Variants in SORCS1 observed in about 807,000 individuals in gnomAD.
The protein encoded by SORCS1 is VPS10 domain-containing receptor SorCS1.
Under a neutral mutation model 146.1 loss-of-function variants are expected in SORCS1, and 60 were observed. The ratio of observed to expected loss-of-function variants is 0.41; its 90% CI spans 0.33 to 0.51. SORCS1 has a LOEUF of 0.51. SORCS1 is among the 20% of genes least tolerant of loss of function. SORCS1 has a pLI of 0.21. For synonymous variants in SORCS1, 637 were observed against 584.0 expected (o/e 1.09, Z -1.31); for missense variants, 1,352 against 1,487.6 (o/e 0.91, Z 1.50).
At position 106,960,623 on chromosome 10, in the gene SORCS1, G is replaced by C. The variant is rs766633614; in HGVS notation, c.559-4043C>G. Among the ~76,000 whole-genome samples, 6 of 151,998 alleles carry C rather than the reference G, an allele frequency of 3.9e-5. No individual in the cohort carries two copies. The highest frequency in any genetic ancestry group is 7.2e-5 in the African/African-American group (3 of 41,390). On this transcript the variant is annotated intron_variant, in intron 1 of 25. Transcript: ENST00000263054. The surrounding 1 kb of genome is among the most constrained non-coding windows in gnomAD (Gnocchi z 4.4). ...TCACCATGTTGAGGAGAATGGTCTC[G>C]ATCTCTTGACCTCGTGATCCACCTG... is the stretch of plus-strand genomic sequence containing the variant.
Position 106,688,845 on chromosome 10 carries a change from C to T in SORCS1, c.1414-507G>A, listed in dbSNP as rs535100176. Among the ~76,000 whole-genome samples the T allele has an allele frequency of 3.2e-4, 49 of 152,262 alleles. No individual in the cohort carries two copies. In the South Asian group the frequency reaches 9.5e-3, roughly 30 times the overall value. On this transcript the variant is annotated intron_variant, in intron 9 of 25. Coordinates refer to ENST00000263054, the MANE Select transcript of SORCS1 (RefSeq NM_052918.5). ...CTGCCCAAGGGCACACAGTAAGTAT[C>T]AGACTCAGGATTATTAACCCACAAC...
chr10:106,700,792 G>C (rs1220640618), intron 8 of SORCS1, among the ~76,000 whole-genome samples: 1 of 152,078 alleles, frequency 6.6e-6, no homozygotes, highest in Non-Finnish European at 1.5e-5. Context: ...ATATCCAAAG[G>C]GCTTTATATT....
chr10:107,170,311 C>T, the SORCS1 span, among the ~76,000 whole-genome samples: 3 of 152,140 alleles, frequency 2.0e-5, no homozygotes, highest in South Asian at 6.2e-4. Flanking sequence ...AAAATAAACT[C>T]AGTTTATTTT....
intron 17 of SORCS1, among the ~76,000 whole-genome samples, chr10:106,655,275 T>C (rs1031875010): frequency 6.6e-6 from 1 of 152,144 alleles, no homozygotes; most frequent in Admixed American, 6.6e-5. Flanking sequence ...CACTGGTGTA[T>C]GATAGCATCC....
At chr10:106,963,010 T>C (rs555022912) in intron 1 of SORCS1, among the ~76,000 whole-genome samples, 8 of 151,404 alleles carry the variant, frequency 5.3e-5, no homozygotes, top group African/African-American at 9.7e-5. Context: ...AAAGCAAATA[T>C]GGGGGAAGAG....
chr10:106,647,177 A>T (rs1849513310), intron 18 of SORCS1, among the ~76,000 whole-genome samples: 1 of 151,576 alleles, frequency 6.6e-6, no homozygotes, highest in African/African-American at 2.4e-5. Flanking sequence ...TTTTATTCAG[A>T]TTGCTTTTAA....
intron 1 of SORCS1, among the ~76,000 whole-genome samples, chr10:107,089,406 A>G (rs1272859753): frequency 1.3e-5 from 2 of 152,228 alleles, no homozygotes; most frequent in Middle Eastern, 3.2e-3. Context: ...TCTGACCTTC[A>G]GAAAAGACTA....
At chr10:106,947,133 A>G (rs534364545) in intron 2 of SORCS1, among the ~76,000 whole-genome samples, 28 of 152,350 alleles carry the variant, frequency 1.8e-4, no homozygotes, top group Admixed American at 5.2e-4. Context: ...ATACTGATTT[A>G]AAAGTTACGT....
intron 4 of SORCS1, among the ~76,000 whole-genome samples, chr10:106,771,174 G>A (rs1252992316): frequency 6.6e-6 from 1 of 151,960 alleles, no homozygotes. Context: ...CCCCGGCATA[G>A]ACAGCAAAGC....
intron 1 of SORCS1, among the ~76,000 whole-genome samples, chr10:107,074,077 T>C (rs553171572): frequency 3.3e-5 from 5 of 152,318 alleles, no homozygotes; most frequent in African/African-American, 1.2e-4. Flanking sequence ...TACATTGAGG[T>C]TCATTCTCGG....
intron 5 of SORCS1, among the ~76,000 whole-genome samples, chr10:106,761,171 A>G (rs532641012): frequency 2.3e-4 from 35 of 152,166 alleles, no homozygotes; most frequent in African/African-American, 8.2e-4. Flanking sequence ...TGAGAGGAAG[A>G]TCTACTTTTA....
At chr10:106,948,912 G>A (rs950907508) in intron 2 of SORCS1, among the ~76,000 whole-genome samples, 6 of 151,950 alleles carry the variant, frequency 3.9e-5, no homozygotes, top group African/African-American at 1.5e-4. Context: ...AGTAAGCTGA[G>A]ATCACGCCAC....
chr10:106,708,649 G>A (rs554913009), intron 7 of SORCS1, among the ~76,000 whole-genome samples: 1 of 152,232 alleles, frequency 6.6e-6, no homozygotes, highest in Non-Finnish European at 1.5e-5. Flanking sequence ...TGAAAAACCT[G>A]GCTGAATACA....
At chr10:107,080,256 GTCT>G (rs999327252) in intron 1 of SORCS1, among the ~76,000 whole-genome samples, 1 of 152,138 alleles carries the variant, frequency 6.6e-6, no homozygotes, top group African/African-American at 2.4e-5. Context: ...GCAGTGTGTA[GTCT>G]TCTCACTGCC....
chr10:107,104,778 C>T (rs370936015), intron 1 of SORCS1, among the ~76,000 whole-genome samples: 3 of 152,182 alleles, frequency 2.0e-5, no homozygotes, highest in Admixed American at 6.5e-5. Context: ...TAGATCCACA[C>T]GTACTGCTTA....
intron 9 of SORCS1, among the ~76,000 whole-genome samples, chr10:106,695,892 C>CCA (rs1215755455): frequency 2.6e-5 from 4 of 152,000 alleles, no homozygotes; most frequent in Non-Finnish European, 5.9e-5. Flanking sequence ...CTCTCTCATT[C>CCA]CACACACACA....
intron 1 of SORCS1, among the ~76,000 whole-genome samples, chr10:106,978,231 C>T (rs1230224184): frequency 6.6e-6 from 1 of 152,124 alleles, no homozygotes; most frequent in African/African-American, 2.4e-5. Flanking sequence ...AGGTGTAAGC[C>T]ACCATGCCTG....
chr10:106,629,797 G>A (rs532570928), intron 18 of SORCS1, among the ~76,000 whole-genome samples: 69 of 152,322 alleles, frequency 4.5e-4, no homozygotes, highest in Middle Eastern at 3.4e-3. Context: ...TGTAATCCCA[G>A]CACTTTGGGA....
intron 2 of SORCS1, among the ~76,000 whole-genome samples, chr10:106,914,067 A>G (rs1228149315): frequency 6.6e-6 from 1 of 152,206 alleles, no homozygotes; most frequent in Non-Finnish European, 1.5e-5. Flanking sequence ...TCAAAACACT[A>G]TCATCAATCA....
Sources: gnomAD v4.1 joint callset for allele counts (sites outside exome capture counted in the v4.1 genomes callset) on GRCh38, gnomAD v4.1.1 for gene constraint, Gnocchi (gnomAD v3.1) non-coding constraint, MANE v1.5 for transcripts, NCBI Gene and HGNC (gene_info 2026-07-23, HGNC 2026-07-21) for gene names.